The following SELENON variants were observed in gnomAD, a reference collection of about 807,000 sequenced individuals.
The protein encoded by SELENON is selenoprotein N, also known as selenoprotein N, 1.
In SELENON, 44 loss-of-function variants were observed where a neutral mutation model predicts 59.5. The ratio of observed to expected loss-of-function variants is 0.74; its 90% CI spans 0.58 to 0.95. The LOEUF is 0.95. Ranked by LOEUF, SELENON falls within the 40% of genes least tolerant of loss-of-function variation. The probability of loss-of-function intolerance (pLI) is 0.00; values close to 1 mark genes in which losing one functional copy is unlikely to be tolerated. For synonymous variants in SELENON, 320 were observed against 305.6 expected, an observed-to-expected ratio of 1.05 and a Z score of -0.49; for missense variants, 674 against 721.4, an observed-to-expected ratio of 0.93 and a Z score of 0.75.
chr1:25,800,371 G>A lies in SELENON; in HGVS notation c.141G>A (p.Arg47=). The stretch of plus-strand genomic sequence containing the variant: ...CCGCCGCCGCTGCCGCCGCCGTCCG[G>A]GTCTGCGCCCGCCACGCCGAGGCCC... The change falls in exon 1 of 13, where the codon CGG becomes CGA. Residue 47 remains arginine (R), a synonymous_variant. Transcript: ENST00000361547. 2 of 1,092,652 alleles carry A rather than the reference G, an allele frequency of 1.8e-6. No homozygotes were observed. Among genetic ancestry groups the A allele is most frequent in the Non-Finnish European group, 2.2e-6 (2 of 899,794 alleles). 67.7% of individuals were successfully genotyped at this position (1,092,652 alleles called of 1,614,324 possible).
chr1:25,804,301 A>AT (rs538973368), intron 3 of SELENON, among the ~76,000 whole-genome samples: 55 of 152,206 alleles, frequency 3.6e-4, no homozygotes, highest in African/African-American at 1.2e-3. Context: ...ATCCTGGGTG[A>AT]TTTTGAGGAC....
At chr1:25,806,646 G>T (rs2047909797) in intron 4 of SELENON, among the ~76,000 whole-genome samples, 1 of 151,918 alleles carries the variant, frequency 6.6e-6, no homozygotes, top group South Asian at 2.1e-4. Context: ...TGAAGTTGAG[G>T]TCCCCAGGGG....
intron 8 of SELENON, 52 bp downstream of exon 7, chr1:25,811,587 C>A: frequency 6.2e-7 from 1 of 1,605,386 alleles, no homozygotes; most frequent in Non-Finnish European, 8.5e-7. Context: ...AGGGCCCCGC[C>A]CTCCCTCTGC....
intron 10 of SELENON, chr1:25,813,669 A>AC (rs757606612): frequency 1.6e-6 from 1 of 633,926 alleles, no homozygotes; most frequent in Non-Finnish European, 2.9e-6. Context: ...GCCAGGTAGA[A>AC]CCCCTAACCC....
At chr1:25,801,691 C>T (rs200988448) in intron 2 of SELENON, among the ~76,000 whole-genome samples, 1 of 151,782 alleles carries the variant, frequency 6.6e-6, no homozygotes, top group Non-Finnish European at 1.5e-5. Flanking sequence ...ACCAAAAAAA[C>T]AAAAAAACCA....
At chr1:25,800,747 A>G (rs2047854026) in intron 1 of SELENON, among the ~76,000 whole-genome samples, 1 of 151,910 alleles carries the variant, frequency 6.6e-6, no homozygotes, top group African/African-American at 2.4e-5. Flanking sequence ...GAGGGGACAC[A>G]GGAGAGGACA....
At position 25,809,335 on chromosome 1, in the gene SELENON, G is replaced by A. The variant is rs533939338; in HGVS notation, c.872+185G>A. On this transcript the variant is annotated intron_variant, in intron 6 of 12. Transcript: ENST00000361547. ...GGATCCGGGTGCTGATGACTTCCTC[G>A]TAAGGCACGTGAGGGTTCAGAAAGA... Among the ~76,000 whole-genome samples the A allele has an allele frequency of 4.5e-3, 684 of 152,344 alleles. 2 individuals carry two copies. Among genetic ancestry groups the A allele is most frequent in the Non-Finnish European group, 7.3e-3 (498 of 68,032 alleles).
rs564377360 is a variant in SELENON at position 25,810,412 on chromosome 1, G to A, written c.1010+592G>A. Among the ~76,000 whole-genome samples, 12 of 152,364 alleles carry A rather than the reference G, an allele frequency of 7.9e-5. No homozygotes were observed. In the South Asian group the frequency reaches 2.5e-3, roughly 32 times the overall value. The stretch of plus-strand genomic sequence containing the variant: ...TGTCAGCAGAGTAGAGGACCCCGGA[G>A]GCCCTGGCTTCAAGTTTGTCCAGAT... On this transcript the variant is annotated intron_variant, in intron 7 of 12. Transcript: ENST00000361547.
intron 4 of SELENON, among the ~76,000 whole-genome samples, chr1:25,806,230 A>G (rs1446816303): frequency 2.0e-5 from 3 of 152,214 alleles, no homozygotes; most frequent in Non-Finnish European, 4.4e-5. Context: ...GGGCATCCCA[A>G]TCAGTGGGGC....
Position 25,813,899 on chromosome 1 carries a change from G to T in SELENON, c.1406G>T (p.Arg469Leu), listed in dbSNP as rs779162837. Residue 469 changes from arginine to leucine, a missense_variant, in exon 11 of 13, where the codon CGG (arginine) becomes CTG (leucine). Transcript: ENST00000361547. ...TGAACAGGTTCAGGGCGGACTCTCC[G>T]GGAGACTGTCCTGGAAAGTTCGCCC... is the stretch of plus-strand genomic sequence containing the variant. 6.2e-7 allele frequency: 1 copy of T among 1,613,992 alleles called. No individual in the cohort carries two copies. The highest frequency in any genetic ancestry group is 8.5e-7 in the Non-Finnish European group (1 of 1,179,942).
At position 25,815,802 on chromosome 1, in the gene SELENON, C is replaced by T; in HGVS notation, c.*84C>T. ...AGCCCATTTCAGACTGCAGATGCCG[C>T]CCACTCCCACCCCACTCCTAGGCTG... On this transcript the variant is annotated 3_prime_UTR_variant, in exon 13 of 13. Transcript: ENST00000361547. 1.4e-6 allele frequency: 2 copies of T among 1,399,584 alleles called. No homozygotes were observed. The highest frequency in any genetic ancestry group is 1.0e-6 in the Non-Finnish European group (1 of 1,002,870). The allele number at this position is 1,399,584 out of a possible 1,614,324, so 86.7% of individuals were successfully genotyped here.
At chr1:25,800,921 A>G (rs2047855126) in intron 1 of SELENON, 122 bp from the exon 2 acceptor site, 1 of 823,990 alleles carries the variant, frequency 1.2e-6, no homozygotes, top group Non-Finnish European at 2.2e-6. Flanking sequence ...ATGGACCGGG[A>G]GGCACTGGGA....
intron 8 of SELENON, 73 bp from the exon 8 acceptor site, chr1:25,811,618 G>A (rs2047960447): frequency 6.2e-7 from 1 of 1,604,642 alleles, no homozygotes; most frequent in Non-Finnish European, 8.5e-7. Flanking sequence ...GCATTTTGGA[G>A]GGTCTCTAGG....
In SELENON at chr1:25,818,165, C is replaced by CT. The variant is rs1026335997; in HGVS notation, c.*2448dup. The CT allele has an allele frequency of 6.6e-6, 1 of 152,404 alleles. No homozygotes were observed. The highest frequency in any genetic ancestry group is 2.4e-5 in the African/African-American group (1 of 41,460). The allele number at this position is 152,404 out of a possible 1,614,324, so 9.4% of individuals were successfully genotyped here. A position where few individuals can be genotyped will look rare whatever the true frequency, so the allele number is the denominator to read the frequency against. ...GGCCCCGGGCTGCCCTGTCACTCCTCTAACACTTCCCTCCCCTGTCCCCAA... is the reference window on the plus strand; with the variant it reads ...GGCCCCGGGCTGCCCTGTCACTCCTCTTAACACTTCCCTCCCCTGTCCCCAA... On this transcript the variant is annotated 3_prime_UTR_variant, in exon 13 of 13. Coordinates refer to ENST00000361547, the MANE Select transcript of SELENON (RefSeq NM_020451.3).
In SELENON at chr1:25,808,534, G is replaced by A. The variant is rs367867622; in HGVS notation, c.538-46G>A. ...CACCCACATGGTACAGGAGACCCCG[G>A]AGTCAGGTTCTCAGATTCCTGGAGC... On this transcript the variant is annotated intron_variant, in intron 4 of 12. Coordinates refer to ENST00000361547, the MANE Select transcript of SELENON (RefSeq NM_020451.3). 1.9e-5 allele frequency: 31 copies of A among 1,601,512 alleles called. No homozygotes were observed. In the African/African-American group the frequency reaches 3.9e-4, roughly 20 times the overall value.
Position 25,809,090 on chromosome 1 carries a change from C to T in SELENON, c.812C>T (p.Pro271Leu). 1.2e-6 allele frequency: 2 copies of T among 1,613,852 alleles called. No homozygotes were observed. The highest frequency in any genetic ancestry group is 2.2e-5 in the South Asian group (2 of 91,092). ...CCCTTTGTGAAGACCCGCTTTGCCC[C>T]TCAGGGAGCTGTGGCCTGCCTGACT... The change falls in exon 6 of 13, where the codon CCT (proline) becomes CTT (leucine). Residue 271 changes from proline (P) to leucine (L), a missense_variant. Coordinates refer to ENST00000361547, the MANE Select transcript of SELENON (RefSeq NM_020451.3).
In SELENON at chr1:25,814,122, C is replaced by G. The variant is rs749567735; in HGVS notation, c.1546C>G (p.Leu516Val). 1 of 1,614,216 alleles carries G rather than the reference C, an allele frequency of 6.2e-7. No individual in the cohort carries two copies. Among genetic ancestry groups the G allele is most frequent in the Non-Finnish European group, 8.5e-7 (1 of 1,180,030 alleles). The stretch of plus-strand genomic sequence containing the variant: ...CCACCAGAAGCTGGCTGGCCTGCAC[C>G]TGGAGAAGTACAGCTTCCCCGTGGA... The change falls in exon 12 of 13, where the codon CTG becomes GTG. Residue 516 changes from leucine to valine, a missense_variant. Transcript: ENST00000361547.
chr1:25,809,237 A>T, intron 6 of SELENON, 87 bp downstream of exon 5: 1 of 1,585,608 alleles, frequency 6.3e-7, no homozygotes, highest in East Asian at 2.3e-5. Context: ...TGAGCCCCCC[A>T]GCTCCACCTC....
In SELENON at chr1:25,815,889, T is replaced by G. The variant is rs1572238217; in HGVS notation, c.*171T>G. ...ACAGCCTTGGCTCCATGGTGGCGGGTAGACAAGGGATGCCTGGGCTGACTG... is the reference window on the plus strand; with the variant it reads ...ACAGCCTTGGCTCCATGGTGGCGGGGAGACAAGGGATGCCTGGGCTGACTG... On this transcript the variant is annotated 3_prime_UTR_variant, in exon 13 of 13. Transcript: ENST00000361547. The G allele has an allele frequency of 1.5e-6, 1 of 648,496 alleles. No homozygotes were observed. The highest frequency in any genetic ancestry group is 2.7e-6 in the Non-Finnish European group (1 of 375,664). 40.2% of individuals were successfully genotyped at this position (648,496 alleles called of 1,614,324 possible).
Sources: allele counts gnomAD v4.1 joint callset (sites outside exome capture counted in the v4.1 genomes callset), GRCh38; gene constraint gnomAD v4.1.1; transcripts MANE v1.5; gene names NCBI Gene and HGNC (gene_info 2026-07-23, HGNC 2026-07-21).